CLEC19A: variants seen among roughly 807,000 people sequenced by gnomAD.
The protein encoded by CLEC19A is C-type lectin domain containing 19A.
In CLEC19A, 21 loss-of-function variants were observed where a neutral mutation model predicts 26.1. That is an observed-to-expected ratio of 0.80 (90% CI 0.57 to 1.16). The LOEUF (loss-of-function observed/expected upper bound fraction) is 1.16, where lower values mean the gene tolerates loss of function less well. CLEC19A is among the 50% of genes most tolerant of loss of function. The probability of loss-of-function intolerance (pLI) is 0.00; values close to 1 mark genes in which losing one functional copy is unlikely to be tolerated. For missense variants in CLEC19A, 224 were observed against 227.6 expected (o/e 0.98, Z 0.10); for synonymous variants, 89 against 88.6 (o/e 1.00, Z -0.03).
intron 1 of CLEC19A, among the ~76,000 whole-genome samples, chr16:19,291,339 A>C (rs1295622881): frequency 6.6e-6 from 1 of 152,210 alleles, no homozygotes; most frequent in Non-Finnish European, 1.5e-5. Flanking sequence ...GCAAAAGGAA[A>C]TGGGCTTAAA....
intron 1 of CLEC19A, among the ~76,000 whole-genome samples, chr16:19,291,769 G>A (rs1897589364): frequency 6.6e-6 from 1 of 152,178 alleles, no homozygotes; most frequent in South Asian, 2.1e-4. Context: ...GTTAATGATC[G>A]TTTTGGTGCA....
At position 19,304,135 on chromosome 16, in the gene CLEC19A, G is replaced by A. The variant is rs1040995352; in HGVS notation, c.328G>A (p.Gly110Ser). The A allele has an allele frequency of 5.2e-6, 8 of 1,550,602 alleles. No homozygotes were observed. In the East Asian group the frequency reaches 1.7e-4, roughly 33 times the overall value. The change falls in exon 3 of 5, where the codon GGC becomes AGC. Residue 110 changes from glycine (G) to serine (S), a missense_variant. Physicochemically the swap from Gly to Ser is moderately conservative, Grantham distance 56. Transcript: ENST00000636231. ...CGGCATCCCAGCTGACGTCTGGACAGGCCTTCATGATCACAGACAGGTGAG... is the reference window on the plus strand; with the variant it reads ...CGGCATCCCAGCTGACGTCTGGACAAGCCTTCATGATCACAGACAGGTGAG... ...VPGIPADVWTGLHDHRQEGQF... is the reference protein window; with the variant it reads ...VPGIPADVWTSLHDHRQEGQF...
At chr16:19,296,098 C>T (rs1359090423) in intron 1 of CLEC19A, among the ~76,000 whole-genome samples, 1 of 152,184 alleles carries the variant, frequency 6.6e-6, no homozygotes, top group African/African-American at 2.4e-5. Flanking sequence ...TCTGAACCAA[C>T]AGGCTCCAGT....
Position 19,309,429 on chromosome 16 carries a change from T to G in CLEC19A, c.*346T>G, listed in dbSNP as rs1898024451. 1 of 166,828 alleles carries G rather than the reference T, an allele frequency of 6.0e-6. No individual in the cohort carries two copies. Among genetic ancestry groups the G allele is most frequent in the Non-Finnish European group, 1.3e-5 (1 of 79,056 alleles). The allele number at this position is 166,828 out of a possible 1,614,324, so 10.3% of individuals were successfully genotyped here. A position where few individuals can be genotyped will look rare whatever the true frequency, so the allele number is the denominator to read the frequency against. On this transcript the variant is annotated 3_prime_UTR_variant, in exon 5 of 5. Coordinates refer to ENST00000636231, the MANE Select transcript of CLEC19A (RefSeq NM_001256720.2). ...TGGCATATGCTAAGTGGCTAGCTCC[T>G]GCTTAGCTGTACATCTTTGGACAAA...
intron 3 of CLEC19A, 53 bp from the exon 4 acceptor site, chr16:19,307,492 C>T: frequency 1.3e-6 from 2 of 1,542,092 alleles, no homozygotes; most frequent in Non-Finnish European, 1.7e-6. Flanking sequence ...GGCTCAAATG[C>T]CTGATCTTCT....
intron 1 of CLEC19A, among the ~76,000 whole-genome samples, chr16:19,292,181 G>A (rs1251277251): frequency 6.6e-6 from 1 of 152,118 alleles, no homozygotes; most frequent in Non-Finnish European, 1.5e-5. Flanking sequence ...TAATTCTACA[G>A]GCTCCATCTT....
At chr16:19,287,355 C>T (rs1897493265) in intron 1 of CLEC19A, among the ~76,000 whole-genome samples, 1 of 152,000 alleles carries the variant, frequency 6.6e-6, no homozygotes, top group Admixed American at 6.6e-5. Context: ...CACACTAATC[C>T]CATCATAAGG....
chr16:19,287,282 G>A lies in CLEC19A; in HGVS notation c.88+1343G>A, dbSNP rs148946892. On this transcript the variant is annotated intron_variant, in intron 1 of 4. Transcript: ENST00000636231. ...CTCTCTTCCTGGCTTGCAGATGGCC[G>A]CCTTCTCACTGTACCCTCACATGGC... Among the ~76,000 whole-genome samples the A allele has an allele frequency of 4.7e-4, 71 of 152,142 alleles. 1 individual carries two copies. In the East Asian group the frequency reaches 0.011, roughly 23 times the overall value.
At chr16:19,287,765 G>C (rs1158519608) in intron 1 of CLEC19A, among the ~76,000 whole-genome samples, 1 of 152,190 alleles carries the variant, frequency 6.6e-6, no homozygotes, top group Non-Finnish European at 1.5e-5. Context: ...GGGATAACAA[G>C]GGTCCTTATC....
chr16:19,306,144 ATT>A (rs148679009), intron 3 of CLEC19A, among the ~76,000 whole-genome samples: 58 of 124,430 alleles, frequency 4.7e-4, no homozygotes, highest in Admixed American at 1.9e-3. Flanking sequence ...CGCCCGGCCT[ATT>A]TTTTTTTTTT....
chr16:19,287,390 A>C (rs1279735974), intron 1 of CLEC19A, among the ~76,000 whole-genome samples: 2 of 151,828 alleles, frequency 1.3e-5, no homozygotes, highest in Non-Finnish European at 2.9e-5. Flanking sequence ...AAATCTAATC[A>C]CTTCCCAAAG....
intron 1 of CLEC19A, among the ~76,000 whole-genome samples, chr16:19,286,659 A>G (rs1897476058): frequency 6.6e-6 from 1 of 152,214 alleles, no homozygotes; most frequent in Non-Finnish European, 1.5e-5. Flanking sequence ...TCTGAATCCT[A>G]TAATTTGGTG....
At chr16:19,303,952 C>T in intron 2 of CLEC19A, 110 bp from the exon 3 acceptor site, 1 of 843,846 alleles carries the variant, frequency 1.2e-6, no homozygotes, top group Non-Finnish European at 1.8e-6. Flanking sequence ...GGATCATATC[C>T]TCTATTTACT....
chr16:19,307,056 G>T (rs1269914352), intron 3 of CLEC19A, among the ~76,000 whole-genome samples: 6 of 152,180 alleles, frequency 3.9e-5, no homozygotes, highest in Admixed American at 1.3e-4. Context: ...GGACAGAGTA[G>T]TTCCACCTTA....
chr16:19,305,677 CA>C (rs1897937086), intron 3 of CLEC19A, among the ~76,000 whole-genome samples: 1 of 152,146 alleles, frequency 6.6e-6, no homozygotes, highest in Non-Finnish European at 1.5e-5. Flanking sequence ...ATGAAAATAA[CA>C]GTGCCTTGTG....
intron 3 of CLEC19A, 45 bp from the exon 4 acceptor site, chr16:19,307,500 T>A (rs989456358): frequency 7.8e-6 from 12 of 1,544,168 alleles, no homozygotes; most frequent in Non-Finnish European, 8.7e-6. Context: ...TGCCTGATCT[T>A]CTTCTTGGCT....
intron 2 of CLEC19A, among the ~76,000 whole-genome samples, chr16:19,300,168 G>C (rs568390009): frequency 1.4e-4 from 22 of 152,064 alleles, no homozygotes; most frequent in African/African-American, 5.3e-4. Context: ...AAGTTGCATT[G>C]AGCTGAGATC....
chr16:19,291,374 A>T (rs1269786113), intron 1 of CLEC19A, among the ~76,000 whole-genome samples: 1 of 152,202 alleles, frequency 6.6e-6, no homozygotes, highest in Non-Finnish European at 1.5e-5. Context: ...CTAGGTTTGG[A>T]GCTAGACAGG....
At chr16:19,299,745 C>T (rs896540580) in intron 2 of CLEC19A, among the ~76,000 whole-genome samples, 2 of 152,232 alleles carry the variant, frequency 1.3e-5, no homozygotes, top group Non-Finnish European at 2.9e-5. Flanking sequence ...TTTATCACAG[C>T]TTTGCTACCT....
Sources: gnomAD v4.1 joint callset for allele counts (sites outside exome capture counted in the v4.1 genomes callset) on GRCh38, gnomAD v4.1.1 for gene constraint, MANE v1.5 for transcripts, NCBI Gene and HGNC (gene_info 2026-07-23, HGNC 2026-07-21) for gene names.